The following CPNE4 variants were observed in gnomAD, a reference collection of about 807,000 sequenced individuals.
CPNE4 encodes the protein copine-4.
CPNE4 carries 25 observed loss-of-function variants against 67.9 expected under a neutral mutation model. That is an observed-to-expected ratio of 0.37 (90% CI 0.27 to 0.51). The LOEUF (loss-of-function observed/expected upper bound fraction) is 0.51. Among genes scored for constraint, CPNE4 ranks in the 20% least tolerant of loss-of-function variants. CPNE4 has a pLI of 0.93. For missense variants in CPNE4, 464 were observed against 690.8 expected, an observed-to-expected ratio of 0.67 and a Z score of 3.68; for synonymous variants, 242 against 244.9, an observed-to-expected ratio of 0.99 and a Z score of 0.11.
intron 2 of CPNE4, among the ~76,000 whole-genome samples, chr3:131,878,873 G>A (rs2087558030): frequency 1.3e-5 from 2 of 152,186 alleles, no homozygotes; most frequent in Non-Finnish European, 2.9e-5. Context: ...TGCCAATCAG[G>A]TGCCAGGCCT....
chr3:131,799,903 CGTGTGTGTGTGTGTGTTGTGTGT>C (rs1324906702), intron 2 of CPNE4, among the ~76,000 whole-genome samples: 1 of 136,082 alleles, frequency 7.3e-6, no homozygotes, highest in Non-Finnish European at 1.6e-5. Context: ...TTTGTTGGTG[CGTGTGTGTGTGTGTGTTGTGTGT>C]GTGTGTGTGT....
At chr3:131,585,440 T>C (rs1476369688) in intron 8 of CPNE4, among the ~76,000 whole-genome samples, 2 of 152,136 alleles carry the variant, frequency 1.3e-5, no homozygotes, top group Admixed American at 6.5e-5. Flanking sequence ...GGCTGGGTAG[T>C]TAAACTAAAG....
intron 2 of CPNE4, among the ~76,000 whole-genome samples, chr3:131,799,397 G>A (rs190857599): frequency 6.6e-6 from 1 of 152,050 alleles, no homozygotes; most frequent in Admixed American, 6.6e-5. Context: ...CTGCAAGAGT[G>A]TATTTCATTT....
intron 2 of CPNE4, among the ~76,000 whole-genome samples, chr3:131,785,098 A>G (rs2083523169): frequency 6.6e-6 from 1 of 152,168 alleles, no homozygotes; most frequent in South Asian, 2.1e-4. Flanking sequence ...GTGAGGACAT[A>G]GCAGACATAA....
intron 2 of CPNE4, among the ~76,000 whole-genome samples, chr3:131,871,407 T>A (rs774558572): frequency 1.3e-5 from 2 of 152,116 alleles, no homozygotes; most frequent in Non-Finnish European, 2.9e-5. Context: ...GGCTGTCTTA[T>A]CAGATTTCAG....
At chr3:131,983,834 T>C (rs2072971694) in intron 1 of CPNE4, among the ~76,000 whole-genome samples, 1 of 152,212 alleles carries the variant, frequency 6.6e-6, no homozygotes, top group African/African-American at 2.4e-5. Context: ...AGACAACAGC[T>C]GCACAGAATC....
At chr3:131,571,731 C>A (rs1937347025) in intron 10 of CPNE4, among the ~76,000 whole-genome samples, 1 of 151,940 alleles carries the variant, frequency 6.6e-6, no homozygotes, top group African/African-American at 2.4e-5. Flanking sequence ...CCATCAAACA[C>A]CCAGGTTTAC....
intron 15 of CPNE4, among the ~76,000 whole-genome samples, chr3:131,541,153 C>T (rs1487861428): frequency 1.3e-5 from 2 of 152,134 alleles, no homozygotes; most frequent in African/African-American, 2.4e-5. Flanking sequence ...AACACAAAGG[C>T]TATCCAGTAA....
At chr3:131,871,721 T>G (rs1446377975) in intron 2 of CPNE4, among the ~76,000 whole-genome samples, 1 of 152,206 alleles carries the variant, frequency 6.6e-6, no homozygotes, top group Admixed American at 6.5e-5. Context: ...GTTCAGACCC[T>G]TAACATTCGA....
intron 2 of CPNE4, among the ~76,000 whole-genome samples, chr3:131,821,185 T>C (rs1413505159): frequency 6.6e-6 from 1 of 152,192 alleles, no homozygotes; most frequent in East Asian, 1.9e-4. Context: ...TTTTCATTGA[T>C]AAAGAGTAAT....
chr3:132,013,991 G>C lies in CPNE4; in HGVS notation c.-2+20576C>G, dbSNP rs1380214706. Among the ~76,000 whole-genome samples the C allele has an allele frequency of 5.9e-5, 9 of 152,138 alleles. No individual in the cohort carries two copies. In the East Asian group the frequency reaches 1.4e-3, roughly 23 times the overall value. On this transcript the variant is annotated intron_variant, in intron 1 of 15. Coordinates refer to ENST00000429747, the MANE Select transcript of CPNE4 (RefSeq NM_130808.3). The stretch of plus-strand genomic sequence containing the variant: ...TTGTCAGTAGTGACTCTGAGAGGAG[G>C]GAAAAAAACAAACAAAGTCTGAGTT...
upstream of CPNE4, chr3:132,037,777 A>C: frequency 1.7e-6 from 1 of 578,394 alleles, no homozygotes; most frequent in Non-Finnish European, 3.1e-6. Context: ...CATCTCACCC[A>C]TCAGTGTGAC....
chr3:131,703,875 T>C (rs2081359211), intron 3 of CPNE4, among the ~76,000 whole-genome samples: 1 of 152,202 alleles, frequency 6.6e-6, no homozygotes, highest in African/African-American at 2.4e-5. Context: ...TTTAATTTGA[T>C]AGCCCCAAAA....
upstream of CPNE4, chr3:132,037,912 C>A: frequency 3.5e-6 from 1 of 282,198 alleles, no homozygotes; most frequent in Non-Finnish European, 6.7e-6. Flanking sequence ...AGAGTCAGTG[C>A]CCTGCATCAA....
intron 2 of CPNE4, among the ~76,000 whole-genome samples, chr3:131,756,067 T>C (rs2082744115): frequency 6.6e-6 from 1 of 152,176 alleles, no homozygotes; most frequent in Non-Finnish European, 1.5e-5. Context: ...AGCTAGGGTT[T>C]AGTCAGTGTC....
intron 2 of CPNE4, among the ~76,000 whole-genome samples, chr3:131,768,874 T>A (rs2083092296): frequency 6.6e-6 from 1 of 152,242 alleles, no homozygotes; most frequent in Middle Eastern, 3.4e-3. Flanking sequence ...AGTGATTTGC[T>A]TACTGAAGGA....
At chr3:131,626,282 A>G (rs539636447) in intron 7 of CPNE4, among the ~76,000 whole-genome samples, 79 of 152,368 alleles carry the variant, frequency 5.2e-4, no homozygotes, top group South Asian at 8.3e-4. Flanking sequence ...AAGCCTAAAG[A>G]GGCCAATAGC....
intron 2 of CPNE4, among the ~76,000 whole-genome samples, chr3:131,776,085 C>T (rs2083283510): frequency 6.6e-6 from 1 of 152,108 alleles, no homozygotes; most frequent in Non-Finnish European, 1.5e-5. Flanking sequence ...TCACATTTAC[C>T]TCTTCTCTCC....
intron 3 of CPNE4, among the ~76,000 whole-genome samples, chr3:131,721,952 A>G (rs1413446881): frequency 1.4e-4 from 22 of 152,326 alleles, no homozygotes. Context: ...AACATATGTT[A>G]ATGGAGAATA....
Sources: gnomAD v4.1 joint callset for allele counts (sites outside exome capture counted in the v4.1 genomes callset) on GRCh38, gnomAD v4.1.1 for gene constraint, MANE v1.5 for transcripts, NCBI Gene and HGNC (gene_info 2026-07-23, HGNC 2026-07-21) for gene names.